Variants in PDE4B observed in about 807,000 individuals in gnomAD.
The protein encoded by PDE4B is 3',5'-cyclic-AMP phosphodiesterase 4B.
A neutral mutation model predicts 82.2 loss-of-function variants in PDE4B; 20 were observed. The observed-to-expected ratio is 0.24, with a 90% confidence interval of 0.17 to 0.35. The LOEUF (loss-of-function observed/expected upper bound fraction) is 0.35. Among genes scored for constraint, PDE4B ranks in the 10% least tolerant of loss-of-function variants. PDE4B has a pLI of 1.00. For synonymous variants in PDE4B, 320 were observed against 318.9 expected (o/e 1.00, Z -0.04); for missense variants, 655 against 907.2 (o/e 0.72, Z 3.57).
chr1:66,169,095 T>A (rs1646790961), intron 3 of PDE4B, among the ~76,000 whole-genome samples: 1 of 152,210 alleles, frequency 6.6e-6, no homozygotes, highest in South Asian at 2.1e-4. Flanking sequence ...TGCAAACCAA[T>A]CTTTTTCAGT....
chr1:66,266,802 G>C (rs1655079993), intron 7 of PDE4B: 3 of 439,402 alleles, frequency 6.8e-6, no homozygotes, highest in Non-Finnish European at 1.4e-5. Flanking sequence ...TATGATATTT[G>C]TTAAAGTCCA....
intron 3 of PDE4B, among the ~76,000 whole-genome samples, chr1:66,118,319 C>A (rs2101070422): frequency 6.6e-6 from 1 of 152,218 alleles, no homozygotes; most frequent in Non-Finnish European, 1.5e-5. Context: ...TTGGAACCAA[C>A]CCAAATGTCC....
At chr1:66,019,596 C>T (rs892616804) in intron 3 of PDE4B, among the ~76,000 whole-genome samples, 15 of 151,856 alleles carry the variant, frequency 9.9e-5, no homozygotes, top group East Asian at 7.7e-4. Context: ...CCTTGTGATC[C>T]GCCCCCTTGA....
At chr1:65,905,392 A>G (rs1163329171) in intron 1 of PDE4B, among the ~76,000 whole-genome samples, 1 of 152,096 alleles carries the variant, frequency 6.6e-6, no homozygotes, top group East Asian at 1.9e-4. Context: ...CAGTCGAACT[A>G]AAGCTAAATG....
chr1:66,097,734 T>G (rs1449038102), intron 3 of PDE4B, among the ~76,000 whole-genome samples: 2 of 152,024 alleles, frequency 1.3e-5, no homozygotes, highest in Non-Finnish European at 2.9e-5. Context: ...GATCCTTGTC[T>G]ACAAATTCTA....
chr1:66,327,800 A>C (rs1244583097), intron 7 of PDE4B, among the ~76,000 whole-genome samples: 1 of 152,228 alleles, frequency 6.6e-6, no homozygotes, highest in Non-Finnish European at 1.5e-5. Context: ...CAGAAATGAC[A>C]ACATTTAGGA....
chr1:66,331,167 A>T (rs1660077619), intron 7 of PDE4B, among the ~76,000 whole-genome samples: 1 of 152,220 alleles, frequency 6.6e-6, no homozygotes, highest in Non-Finnish European at 1.5e-5. Flanking sequence ...AATAATTTTT[A>T]AAAACCATGT....
At chr1:66,127,261 G>A (rs542953845) in intron 3 of PDE4B, among the ~76,000 whole-genome samples, 52 of 152,198 alleles carry the variant, frequency 3.4e-4, no homozygotes, top group African/African-American at 1.2e-3. Context: ...TAGGGGAGCT[G>A]GCTGAAGGAT....
chr1:65,836,549 C>T (rs1646142164), intron 1 of PDE4B, among the ~76,000 whole-genome samples: 1 of 152,152 alleles, frequency 6.6e-6, no homozygotes, highest in African/African-American at 2.4e-5. Flanking sequence ...AACACCGGGG[C>T]ATCCTATTGC....
chr1:65,890,594 A>G (rs886316196), intron 1 of PDE4B, among the ~76,000 whole-genome samples: 2 of 152,054 alleles, frequency 1.3e-5, no homozygotes, highest in Non-Finnish European at 2.9e-5. Flanking sequence ...CAAGTTAACC[A>G]ATTAAATAAT....
At chr1:66,000,939 G>A (rs1651832592) in intron 3 of PDE4B, among the ~76,000 whole-genome samples, 2 of 152,032 alleles carry the variant, frequency 1.3e-5, no homozygotes, top group Non-Finnish European at 2.9e-5. Context: ...CCTGGTTCTC[G>A]GTCAGAACAA....
chr1:66,092,086 A>G (rs1395955475), intron 3 of PDE4B, among the ~76,000 whole-genome samples: 1 of 152,058 alleles, frequency 6.6e-6, no homozygotes, highest in African/African-American at 2.4e-5. Context: ...ACCAGGGCTC[A>G]ACAACTCCTT....
At chr1:66,112,034 C>T (rs1345542983) in intron 3 of PDE4B, among the ~76,000 whole-genome samples, 1 of 151,920 alleles carries the variant, frequency 6.6e-6, no homozygotes, top group Non-Finnish European at 1.5e-5. Flanking sequence ...TGAAGATGAA[C>T]AAAATTACCA....
chr1:66,114,916 G>T (rs117138834), intron 3 of PDE4B, among the ~76,000 whole-genome samples: 1 of 152,084 alleles, frequency 6.6e-6, no homozygotes. Flanking sequence ...GATTACAGGG[G>T]TGAGCCACCA....
intron 8 of PDE4B, among the ~76,000 whole-genome samples, chr1:66,353,815 G>A (rs1304837889): frequency 6.6e-6 from 1 of 152,172 alleles, no homozygotes; most frequent in Non-Finnish European, 1.5e-5. Context: ...GATTTCTAAT[G>A]TGAGTTAGAA....
chr1:66,321,703 C>T (rs571902027), intron 7 of PDE4B, among the ~76,000 whole-genome samples: 8 of 152,288 alleles, frequency 5.3e-5, no homozygotes, highest in African/African-American at 1.7e-4. Context: ...ACATTCTACG[C>T]TCATGGATAG....
chr1:65,894,373 TA>T (rs1209243286), intron 1 of PDE4B, among the ~76,000 whole-genome samples: 21 of 152,050 alleles, frequency 1.4e-4, no homozygotes, highest in African/African-American at 2.2e-4. Context: ...TCATGCTATA[TA>T]AAAAAATTAA....
At chr1:65,911,948 C>A (rs1377581957) in intron 1 of PDE4B, among the ~76,000 whole-genome samples, 2 of 152,220 alleles carry the variant, frequency 1.3e-5, no homozygotes. Context: ...CACATAGCTA[C>A]AATTTCATCA....
At chr1:65,957,953 T>C (rs750842743) in intron 3 of PDE4B, among the ~76,000 whole-genome samples, 3 of 152,124 alleles carry the variant, frequency 2.0e-5, no homozygotes, top group Non-Finnish European at 2.9e-5. Flanking sequence ...TTTCTGCAAA[T>C]ATTAACACTG....
Sources: gnomAD v4.1 joint callset for allele counts (sites outside exome capture counted in the v4.1 genomes callset) on GRCh38, gnomAD v4.1.1 for gene constraint, MANE v1.5 for transcripts, NCBI Gene and HGNC (gene_info 2026-07-23, HGNC 2026-07-21) for gene names.